Variants in EPB41L1 observed in about 807,000 individuals in gnomAD.
The protein encoded by EPB41L1 is band 4.1-like protein 1.
A neutral mutation model predicts 97.8 loss-of-function variants in EPB41L1; 29 were observed. The ratio of observed to expected loss-of-function variants is 0.30; its 90% CI spans 0.22 to 0.40. The LOEUF (loss-of-function observed/expected upper bound fraction) is 0.40. EPB41L1 is among the 10% of genes least tolerant of loss of function. EPB41L1 has a pLI of 1.00. For synonymous variants in EPB41L1, 383 were observed against 459.2 expected, an observed-to-expected ratio of 0.83 and a Z score of 2.12; for missense variants, 812 against 1,162.3, an observed-to-expected ratio of 0.70 and a Z score of 4.38.
At chr20:36,103,821 G>A (rs780733346) in intron 1 of EPB41L1, among the ~76,000 whole-genome samples, 6 of 150,776 alleles carry the variant, frequency 4.0e-5, no homozygotes, top group Non-Finnish European at 8.8e-5. Flanking sequence ...TCCTGCCTCA[G>A]CCTCCTGAGT....
intron 7 of EPB41L1, among the ~76,000 whole-genome samples, chr20:36,187,204 T>C (rs1441371757): frequency 6.6e-6 from 1 of 152,206 alleles, no homozygotes; most frequent in Non-Finnish European, 1.5e-5. Context: ...ATTACATAAC[T>C]CTTCTTTTTG....
intron 12 of EPB41L1, 106 bp downstream of exon 12, chr20:36,194,466 C>G (rs1339430885): frequency 4.4e-5 from 63 of 1,417,942 alleles, no homozygotes; most frequent in Non-Finnish European, 5.9e-5. Context: ...GGCCAAGCAC[C>G]CTTACTATGG....
intron 2 of EPB41L1, among the ~76,000 whole-genome samples, chr20:36,116,801 G>C (rs1000996697): frequency 1.3e-5 from 2 of 152,138 alleles, no homozygotes; most frequent in Non-Finnish European, 2.9e-5. Context: ...CAGAGGCCTG[G>C]GCTCTGTCCC....
At position 36,232,325 on chromosome 20, in the gene EPB41L1, G is replaced by A; in HGVS notation, c.*2985G>A. ...GTCCCTGAGGGCGGTTAGGAGTTCTGGGTGACCATCCTGGCTCAGCTCCTA... is the reference window on the plus strand; with the variant it reads ...GTCCCTGAGGGCGGTTAGGAGTTCTAGGTGACCATCCTGGCTCAGCTCCTA... On this transcript the variant is annotated 3_prime_UTR_variant, in exon 22 of 22. Transcript: ENST00000338074. 1 of 320,676 alleles carries A rather than the reference G, an allele frequency of 3.1e-6. No homozygotes were observed. Among genetic ancestry groups the A allele is most frequent in the East Asian group, 4.9e-5 (1 of 20,496 alleles). The allele number at this position is 320,676 out of a possible 1,614,324, so 19.9% of individuals were successfully genotyped here. A position where few individuals can be genotyped will look rare whatever the true frequency, so the allele number is the denominator to read the frequency against.
chr20:36,098,702 A>G (rs992956610), intron 1 of EPB41L1, among the ~76,000 whole-genome samples: 2 of 152,200 alleles, frequency 1.3e-5, no homozygotes, highest in Admixed American at 6.5e-5. Context: ...TTAGGTAGAC[A>G]TAAATTTGGG....
At chr20:36,182,244 C>T (rs754376489) in intron 5 of EPB41L1, 28 bp from the exon 6 acceptor site, 16 of 1,610,414 alleles carry the variant, frequency 9.9e-6, no homozygotes, top group South Asian at 3.3e-5. Context: ...GTTAGGGCCT[C>T]GCTGATCTCT....
chr20:36,175,752 G>A, intron 3 of EPB41L1, 37 bp downstream of exon 3: 1 of 1,612,302 alleles, frequency 6.2e-7, no homozygotes, highest in African/African-American at 1.3e-5. Flanking sequence ...CCCGTCCCCG[G>A]TCAGCCAGCC....
chr20:36,096,961 A>G (rs922614734), intron 1 of EPB41L1, among the ~76,000 whole-genome samples: 2 of 152,316 alleles, frequency 1.3e-5, no homozygotes, highest in Middle Eastern at 3.4e-3. Context: ...GTCTTTTTCA[A>G]TGCTGCATCT....
At chr20:36,168,923 G>C (rs2060854327) in intron 1 of EPB41L1, among the ~76,000 whole-genome samples, 1 of 151,678 alleles carries the variant, frequency 6.6e-6, no homozygotes, top group East Asian at 2.0e-4. Flanking sequence ...GAGTGTCTCT[G>C]TTTTATTAAA....
At chr20:36,151,520 C>A (rs968076697), upstream of EPB41L1, 69 of 152,228 alleles carry the variant, frequency 4.5e-4, no homozygotes, top group African/African-American at 1.6e-3. Context: ...GGATGGGCTC[C>A]TCTTTCCTTC....
chr20:36,231,658 C>G lies in EPB41L1; in HGVS notation c.*2318C>G, dbSNP rs1344557079. Reference sequence around the variant, plus strand: ...GAGGCAGGGCAGGAAATCAGAATAGCATTTGCTTCTCTGGGCAAATGGGAA... The same window carrying G: ...GAGGCAGGGCAGGAAATCAGAATAGGATTTGCTTCTCTGGGCAAATGGGAA... On this transcript the variant is annotated 3_prime_UTR_variant, in exon 22 of 22. Coordinates refer to ENST00000338074, the MANE Select transcript of EPB41L1 (RefSeq NM_012156.2). The G allele has an allele frequency of 6.6e-6, 1 of 152,378 alleles. No homozygotes were observed. The highest frequency in any genetic ancestry group is 1.5e-5 in the Non-Finnish European group (1 of 68,150). 9.4% of individuals were successfully genotyped at this position (152,378 alleles called of 1,614,324 possible).
At chr20:36,194,870 A>T (rs904937529) in intron 12 of EPB41L1, among the ~76,000 whole-genome samples, 10 of 152,090 alleles carry the variant, frequency 6.6e-5, no homozygotes, top group Admixed American at 5.2e-4. Context: ...TTAATAACAG[A>T]TGTATGCACC....
intron 1 of EPB41L1, among the ~76,000 whole-genome samples, chr20:36,157,369 T>A (rs931306802): frequency 1.3e-5 from 2 of 152,232 alleles, no homozygotes; most frequent in African/African-American, 2.4e-5. Flanking sequence ...AGTAACCCTG[T>A]CAGATAGATG....
intron 9 of EPB41L1, 42 bp downstream of exon 9, chr20:36,188,541 C>T (rs1246205834): frequency 7.2e-7 from 1 of 1,380,814 alleles, no homozygotes; most frequent in Admixed American, 2.1e-5. Flanking sequence ...CCGGAATCAA[C>T]TAGAATGGAG....
In EPB41L1 at chr20:36,173,747, C is replaced by G; in HGVS notation, c.-14-17C>G. On this transcript the variant is annotated splice_polypyrimidine_tract_variant and intron_variant, in intron 1 of 21. Coordinates refer to ENST00000338074, the MANE Select transcript of EPB41L1 (RefSeq NM_012156.2). ...GCTGTCCCTCCCTGTCACATGATCTCCTTCATGCCAATGCAGGCGTGCTGG... is the reference window on the plus strand; with the variant it reads ...GCTGTCCCTCCCTGTCACATGATCTGCTTCATGCCAATGCAGGCGTGCTGG... 1 of 1,613,114 alleles carries G rather than the reference C, an allele frequency of 6.2e-7. No individual in the cohort carries two copies.
At chr20:36,152,328 A>G (rs576257926), upstream of EPB41L1, 1 of 152,582 alleles carries the variant, frequency 6.6e-6, no homozygotes, top group Non-Finnish European at 1.5e-5. Flanking sequence ...GATGTCTGGG[A>G]ACATCCTGCC....
chr20:36,195,434 G>T lies in EPB41L1; in HGVS notation c.1485+70G>T. The T allele has an allele frequency of 6.4e-7, 1 of 1,563,204 alleles. No individual in the cohort carries two copies. Among genetic ancestry groups the T allele is most frequent in the Non-Finnish European group, 8.8e-7 (1 of 1,134,524 alleles). ...CTAGCTCATTTGTCACCATCCCACA[G>T]TCCATCCCAGGCTCACTTCCCTGGC... On this transcript the variant is annotated intron_variant, in intron 13 of 21. Coordinates refer to ENST00000338074, the MANE Select transcript of EPB41L1 (RefSeq NM_012156.2). The surrounding 1 kb of genome is among the most constrained non-coding windows in gnomAD (Gnocchi z 4.6).
chr20:36,128,526 G>A (rs2059062554), intron 2 of EPB41L1, among the ~76,000 whole-genome samples: 1 of 152,214 alleles, frequency 6.6e-6, no homozygotes, highest in Admixed American at 6.5e-5. Context: ...TGAAAATGGA[G>A]CAAAGTAATG....
Position 36,206,249 on chromosome 20 carries a change from C to A in EPB41L1, c.1669-3239C>A. ...GCAACCATCAGGAACCGCTGCATGT[C>A]AGATGGTCAGCCGGAGGGCCAGACA... On this transcript the variant is annotated intron_variant, in intron 14 of 21. Coordinates refer to ENST00000338074, the MANE Select transcript of EPB41L1 (RefSeq NM_012156.2). The surrounding 1 kb of genome is among the most constrained non-coding windows in gnomAD (Gnocchi z 5.5). 1 of 1,289,908 alleles carries A rather than the reference C, an allele frequency of 7.8e-7. No homozygotes were observed. Among genetic ancestry groups the A allele is most frequent in the South Asian group, 1.2e-5 (1 of 81,030 alleles). The allele number at this position is 1,289,908 out of a possible 1,614,324, so 79.9% of individuals were successfully genotyped here. A position where few individuals can be genotyped will look rare whatever the true frequency, so the allele number is the denominator to read the frequency against.
Sources: allele counts gnomAD v4.1 joint callset (sites outside exome capture counted in the v4.1 genomes callset), GRCh38; gene constraint gnomAD v4.1.1; non-coding constraint Gnocchi (gnomAD v3.1); transcripts MANE v1.5; gene names NCBI Gene and HGNC (gene_info 2026-07-23, HGNC 2026-07-21).